Variants in CDKAL1 observed in about 807,000 individuals in gnomAD.
The protein encoded by CDKAL1 is threonylcarbamoyladenosine tRNA methylthiotransferase.
In CDKAL1, 32 loss-of-function variants were observed where a neutral mutation model predicts 68.2. The ratio of observed to expected loss-of-function variants is 0.47; its 90% CI spans 0.35 to 0.63. The LOEUF (loss-of-function observed/expected upper bound fraction) is 0.63. Ranked by LOEUF, CDKAL1 falls within the 30% of genes least tolerant of loss-of-function variation. The pLI is 0.00. For synonymous variants in CDKAL1, 234 were observed against 244.3 expected (o/e 0.96, Z 0.39); for missense variants, 606 against 696.7 (o/e 0.87, Z 1.47).
At chr6:20,653,765 C>T (rs769095062) in intron 5 of CDKAL1, among the ~76,000 whole-genome samples, 7 of 152,122 alleles carry the variant, frequency 4.6e-5, no homozygotes, top group Non-Finnish European at 8.8e-5. Flanking sequence ...CAGGCGTGCA[C>T]CACCACACCC....
intron 13 of CDKAL1, among the ~76,000 whole-genome samples, chr6:21,110,173 T>G (rs561238528): frequency 6.6e-6 from 1 of 152,316 alleles, no homozygotes; most frequent in East Asian, 1.9e-4. Context: ...TTGAAGCTCC[T>G]AAGTTTTGGT....
At chr6:21,218,588 T>C (rs1275223478) in intron 15 of CDKAL1, among the ~76,000 whole-genome samples, 1 of 152,188 alleles carries the variant, frequency 6.6e-6, no homozygotes, top group Non-Finnish European at 1.5e-5. Context: ...GGATTCAGTT[T>C]CTCATGGGTT....
At chr6:20,807,287 G>A (rs920533470) in intron 8 of CDKAL1, among the ~76,000 whole-genome samples, 9 of 151,732 alleles carry the variant, frequency 5.9e-5, no homozygotes, top group African/African-American at 9.7e-5. Context: ...GCAGTGGCAC[G>A]ATCTTGGCTC....
At chr6:20,995,854 C>T (rs747894554) in intron 10 of CDKAL1, among the ~76,000 whole-genome samples, 66 of 152,178 alleles carry the variant, frequency 4.3e-4, no homozygotes, top group Non-Finnish European at 7.8e-4. Flanking sequence ...TACTTCTCTT[C>T]TCTACCTATG....
chr6:20,931,205 T>A (rs375312424), intron 9 of CDKAL1, among the ~76,000 whole-genome samples: 1 of 152,346 alleles, frequency 6.6e-6, no homozygotes, highest in African/African-American at 2.4e-5. Flanking sequence ...GGGATGTACA[T>A]TTAATGATAT....
chr6:20,571,516 C>T (rs1645655250), intron 4 of CDKAL1, among the ~76,000 whole-genome samples: 2 of 151,986 alleles, frequency 1.3e-5, no homozygotes, highest in Admixed American at 6.6e-5. Flanking sequence ...AATTTGGGGA[C>T]TCTGTCTGCT....
At chr6:20,912,463 A>C (rs1264665431) in intron 9 of CDKAL1, among the ~76,000 whole-genome samples, 1 of 152,172 alleles carries the variant, frequency 6.6e-6, no homozygotes, top group Non-Finnish European at 1.5e-5. Context: ...TGAGACATGC[A>C]AGAGTCTAGA....
intron 15 of CDKAL1, among the ~76,000 whole-genome samples, chr6:21,215,115 G>A (rs1311721038): frequency 6.6e-6 from 1 of 152,190 alleles, no homozygotes; most frequent in East Asian, 1.9e-4. Context: ...GCTCTTCTAA[G>A]CTTGGTGGGG....
intron 11 of CDKAL1, among the ~76,000 whole-genome samples, chr6:21,026,743 C>T (rs1009290181): frequency 1.3e-5 from 2 of 152,276 alleles, no homozygotes; most frequent in East Asian, 1.9e-4. Flanking sequence ...CCAGACACAA[C>T]TGCAGTCTTA....
At chr6:20,557,041 CAAAA>C (rs199509135) in intron 4 of CDKAL1, among the ~76,000 whole-genome samples, 1 of 121,108 alleles carries the variant, frequency 8.3e-6, no homozygotes, top group African/African-American at 2.8e-5. Context: ...GTCTCCATCT[CAAAA>C]AAAAAAAATA....
At chr6:20,808,902 T>G (rs1421770270) in intron 8 of CDKAL1, among the ~76,000 whole-genome samples, 1 of 152,228 alleles carries the variant, frequency 6.6e-6, no homozygotes. Flanking sequence ...TTTGATTTTG[T>G]GTTGAGGGAG....
chr6:20,624,725 G>A (rs1337315329), intron 4 of CDKAL1, among the ~76,000 whole-genome samples: 2 of 152,068 alleles, frequency 1.3e-5, no homozygotes, highest in African/African-American at 4.8e-5. Context: ...CAAATTCCAT[G>A]TAGATGGCAT....
chr6:20,638,508 T>C (rs1768006349), intron 4 of CDKAL1, among the ~76,000 whole-genome samples: 1 of 152,192 alleles, frequency 6.6e-6, no homozygotes, highest in Non-Finnish European at 1.5e-5. Context: ...GATTGGGGCA[T>C]GGTGGCTGGA....
chr6:20,679,168 T>G (rs1474332916), intron 5 of CDKAL1, among the ~76,000 whole-genome samples: 1 of 152,232 alleles, frequency 6.6e-6, no homozygotes, highest in Non-Finnish European at 1.5e-5. Flanking sequence ...CCTCCTGCCC[T>G]GGCCTCCCAA....
chr6:20,740,541 A>C (rs949632445), intron 6 of CDKAL1, among the ~76,000 whole-genome samples: 1 of 152,170 alleles, frequency 6.6e-6, no homozygotes, highest in Non-Finnish European at 1.5e-5. Flanking sequence ...TGTTTGTTTA[A>C]AAAGGCTACA....
In CDKAL1 at chr6:21,226,568, A is replaced by G. The variant is rs147624726; in HGVS notation, c.1549-4280A>G. Among the ~76,000 whole-genome samples, 15 of 152,376 alleles carry G rather than the reference A, an allele frequency of 9.8e-5. 1 individual carries two copies. In the East Asian group the frequency reaches 2.9e-3, roughly 29 times the overall value. On this transcript the variant is annotated intron_variant, in intron 15 of 15. Coordinates refer to ENST00000274695, the MANE Select transcript of CDKAL1 (RefSeq NM_017774.3). Reference sequence around the variant, plus strand: ...AAATAACTCCATTTAACAGATAAATAACGCCTTTTGCGTAAGCAAAGGTCA... The same window carrying G: ...AAATAACTCCATTTAACAGATAAATGACGCCTTTTGCGTAAGCAAAGGTCA...
chr6:21,056,938 G>A (rs987676282), intron 11 of CDKAL1, among the ~76,000 whole-genome samples: 8 of 152,074 alleles, frequency 5.3e-5, no homozygotes, highest in Admixed American at 3.3e-4. Context: ...ATTTTATTGA[G>A]GATTTTTGCA....
At chr6:20,686,875 G>A (rs1770653142) in intron 5 of CDKAL1, among the ~76,000 whole-genome samples, 1 of 152,112 alleles carries the variant, frequency 6.6e-6, no homozygotes, top group Admixed American at 6.5e-5. Context: ...CGTTCACTGA[G>A]ATCTTTTATC....
In CDKAL1 at chr6:20,649,293, A is replaced by G; in HGVS notation, c.287A>G (p.Glu96Gly). 6.2e-7 allele frequency: 1 copy of G among 1,602,446 alleles called. No homozygotes were observed. ...TTTTTTGTGTTCATTTTTTTAATAGAAAATGCATCCGATGCAGATTTATGG... is the reference window on the plus strand; with the variant it reads ...TTTTTTGTGTTCATTTTTTTAATAGGAAATGCATCCGATGCAGATTTATGG... ...QLAAYGYKIT[E>G]NASDADLWLL... The change falls in exon 5 of 16, where the codon GAA becomes GGA. Residue 96 changes from glutamate (E) to glycine (G), a missense_variant and splice_region_variant. By Grantham distance (98) the Glu-to-Gly change is moderately conservative (BLOSUM62 -2). Transcript: ENST00000274695.
Sources: allele counts gnomAD v4.1 joint callset (sites outside exome capture counted in the v4.1 genomes callset), GRCh38; gene constraint gnomAD v4.1.1; transcripts MANE v1.5; gene names NCBI Gene and HGNC (gene_info 2026-07-23, HGNC 2026-07-21).